Variants in RALGAPA1 observed in about 807,000 individuals in gnomAD.
The protein encoded by RALGAPA1 is Ral GTPase activating protein catalytic subunit alpha 1, also known as ral GTPase-activating protein subunit alpha-1.
In RALGAPA1, 52 loss-of-function variants were observed where a neutral mutation model predicts 269.6. The observed-to-expected ratio is 0.19, with a 90% CI of 0.15 to 0.24. The LOEUF (loss-of-function observed/expected upper bound fraction) is 0.24, where lower values mean the gene tolerates loss of function less well. Ranked by LOEUF, RALGAPA1 falls within the 10% of genes least tolerant of loss-of-function variation. The probability of loss-of-function intolerance (pLI) is 1.00; values close to 1 mark genes in which losing one functional copy is unlikely to be tolerated. For synonymous variants in RALGAPA1, 817 were observed against 1,008.3 expected (o/e 0.81, Z 3.60); for missense variants, 1,917 against 3,013.9 (o/e 0.64, Z 8.52).
chr14:35,769,340 T>G (rs1460020920), intron 4 of RALGAPA1, among the ~76,000 whole-genome samples: 1 of 151,818 alleles, frequency 6.6e-6, no homozygotes, highest in Non-Finnish European at 1.5e-5. Context: ...TAAAGCAAAT[T>G]AACATGGGAA....
At chr14:35,793,463 A>G (rs979001273) in intron 1 of RALGAPA1, among the ~76,000 whole-genome samples, 5 of 151,820 alleles carry the variant, frequency 3.3e-5, no homozygotes, top group Non-Finnish European at 7.4e-5. Context: ...CGAACTCCTG[A>G]CCTCAGCTGA....
intron 41 of RALGAPA1, among the ~76,000 whole-genome samples, chr14:35,545,153 C>A (rs1341150547): frequency 6.6e-6 from 1 of 152,118 alleles, no homozygotes; most frequent in Non-Finnish European, 1.5e-5. Context: ...AAATAACTAT[C>A]TTCTAAGGAG....
intron 1 of RALGAPA1, among the ~76,000 whole-genome samples, chr14:35,791,315 T>C (rs981539595): frequency 2.6e-5 from 4 of 152,166 alleles, no homozygotes; most frequent in Non-Finnish European, 1.5e-5. Flanking sequence ...TCACCTTAAC[T>C]TAACGTGCAA....
At chr14:35,671,858 A>C (rs924911165) in intron 25 of RALGAPA1, among the ~76,000 whole-genome samples, 1 of 152,214 alleles carries the variant, frequency 6.6e-6, no homozygotes. Flanking sequence ...CCTGTCACCT[A>C]GTTGCTTCTG....
chr14:35,625,273 A>C, intron 35 of RALGAPA1, 88 bp downstream of exon 35: 1 of 908,126 alleles, frequency 1.1e-6, no homozygotes, highest in Non-Finnish European at 1.7e-6. Flanking sequence ...ACAGTATTAT[A>C]TACTATTTAA....
chr14:35,552,509 T>C (rs2055120185), intron 39 of RALGAPA1, among the ~76,000 whole-genome samples: 1 of 151,990 alleles, frequency 6.6e-6, no homozygotes, highest in Non-Finnish European at 1.5e-5. Context: ...GCCATTGGCA[T>C]TGAAATTAAA....
chr14:35,668,151 A>C (rs147809562), intron 26 of RALGAPA1, among the ~76,000 whole-genome samples: 1 of 152,312 alleles, frequency 6.6e-6, no homozygotes, highest in East Asian at 1.9e-4. Flanking sequence ...GAAGCAGGGA[A>C]AGGAGGAAAG....
intron 37 of RALGAPA1, among the ~76,000 whole-genome samples, chr14:35,581,397 T>A (rs2057939427): frequency 1.3e-5 from 2 of 152,104 alleles, no homozygotes; most frequent in South Asian, 4.1e-4. Flanking sequence ...AATTATGAGA[T>A]CAAATAAAAA....
chr14:35,718,131 A>G (rs2069014252), intron 16 of RALGAPA1, among the ~76,000 whole-genome samples: 2 of 152,056 alleles, frequency 1.3e-5, no homozygotes, highest in Non-Finnish European at 2.9e-5. Context: ...CTTTAACCTG[A>G]TTGACTTTTC....
intron 33 of RALGAPA1, among the ~76,000 whole-genome samples, chr14:35,629,465 A>G (rs534508410): frequency 6.6e-6 from 1 of 152,242 alleles, no homozygotes; most frequent in Admixed American, 6.5e-5. Flanking sequence ...TGTCAGAACA[A>G]CTAAGGATTT....
At chr14:35,798,486 A>G (rs1448452407) in intron 1 of RALGAPA1, among the ~76,000 whole-genome samples, 6 of 152,226 alleles carry the variant, frequency 3.9e-5, no homozygotes, top group Admixed American at 3.9e-4. Context: ...CTGTAAGAGA[A>G]GACTTGAAAT....
At chr14:35,712,128 T>C (rs1295753521) in intron 16 of RALGAPA1, among the ~76,000 whole-genome samples, 1 of 150,862 alleles carries the variant, frequency 6.6e-6, no homozygotes, top group Non-Finnish European at 1.5e-5. Context: ...ACACCTGTAA[T>C]CCTAGCTACT....
At chr14:35,725,656 A>C (rs1247023365) in intron 13 of RALGAPA1, among the ~76,000 whole-genome samples, 5 of 152,072 alleles carry the variant, frequency 3.3e-5, no homozygotes, top group Non-Finnish European at 7.4e-5. Context: ...CATCTTAATT[A>C]ATAGATCACA....
intron 16 of RALGAPA1, among the ~76,000 whole-genome samples, chr14:35,701,032 C>T (rs2067300622): frequency 6.6e-6 from 1 of 151,980 alleles, no homozygotes; most frequent in Admixed American, 6.6e-5. Context: ...AACATAAAAA[C>T]TTAAAATTGT....
intron 32 of RALGAPA1, 118 bp downstream of exon 32, chr14:35,635,346 T>C (rs1594909508): frequency 2.5e-6 from 3 of 1,183,242 alleles, no homozygotes; most frequent in East Asian, 2.7e-5. Flanking sequence ...AAGCTAAATA[T>C]GTGTTCTTAG....
At chr14:35,674,485 T>C (rs1357752769) in intron 23 of RALGAPA1, 31 bp downstream of exon 23, 2 of 1,549,790 alleles carry the variant, frequency 1.3e-6, no homozygotes, top group Non-Finnish European at 1.7e-6. Flanking sequence ...TTTATTTTCT[T>C]CTCCACTTAT....
chr14:35,662,944 G>C (rs1169298413), intron 27 of RALGAPA1, among the ~76,000 whole-genome samples: 6 of 136,676 alleles, frequency 4.4e-5, no homozygotes, highest in African/African-American at 1.3e-4. Flanking sequence ...TTTTGGGGGG[G>C]GGGTGGGACA....
intron 11 of RALGAPA1, among the ~76,000 whole-genome samples, chr14:35,739,838 G>A (rs1460761528): frequency 6.6e-6 from 1 of 152,044 alleles, no homozygotes; most frequent in Non-Finnish European, 1.5e-5. Context: ...TTCTGGGCCT[G>A]GTATGACCTT....
intron 36 of RALGAPA1, among the ~76,000 whole-genome samples, chr14:35,599,038 A>G (rs2059108745): frequency 6.6e-6 from 1 of 152,184 alleles, no homozygotes; most frequent in African/African-American, 2.4e-5. Flanking sequence ...TATATACATA[A>G]CTTATCACAG....
Sources: gnomAD v4.1 joint callset for allele counts (sites outside exome capture counted in the v4.1 genomes callset) on GRCh38, gnomAD v4.1.1 for gene constraint, MANE v1.5 for transcripts, NCBI Gene and HGNC (gene_info 2026-07-23, HGNC 2026-07-21) for gene names.